The following KMT2C variants were observed in gnomAD, a reference collection of about 807,000 sequenced individuals.
KMT2C encodes histone-lysine N-methyltransferase 2C.
Under a neutral mutation model 507.9 loss-of-function variants are expected in KMT2C, and 88 were observed. The observed-to-expected ratio is 0.17, with a 90% CI of 0.15 to 0.21. KMT2C has a LOEUF of 0.21. KMT2C is among the 10% of genes least tolerant of loss of function. The pLI, the probability that KMT2C is intolerant of heterozygous loss-of-function variation, is 1.00. For synonymous variants in KMT2C, 2,049 were observed against 2,080.8 expected, an observed-to-expected ratio of 0.98 and a Z score of 0.42; for missense variants, 4,954 against 5,957.8, an observed-to-expected ratio of 0.83 and a Z score of 5.55.
intron 23 of KMT2C, among the ~76,000 whole-genome samples, chr7:152,219,778 G>A (rs1349057777): frequency 6.6e-6 from 1 of 152,140 alleles, no homozygotes; most frequent in Non-Finnish European, 1.5e-5. Flanking sequence ...GAGCAGAGCA[G>A]ATGGTTTGAG....
At chr7:152,373,674 A>G (rs1454482510) in intron 1 of KMT2C, among the ~76,000 whole-genome samples, 2 of 152,334 alleles carry the variant, frequency 1.3e-5, no homozygotes, top group East Asian at 3.9e-4. Flanking sequence ...AAATGTTAAA[A>G]GAGTTCTTTA....
chr7:152,160,457 A>G (rs2092379578), intron 43 of KMT2C, among the ~76,000 whole-genome samples: 1 of 152,102 alleles, frequency 6.6e-6, no homozygotes. Context: ...TCTCCCCTTC[A>G]GATGCTCAGG....
chr7:152,208,841 T>A (rs1261754253), intron 23 of KMT2C, among the ~76,000 whole-genome samples: 1 of 152,214 alleles, frequency 6.6e-6, no homozygotes, highest in Admixed American at 6.5e-5. Flanking sequence ...AATCTGATAA[T>A]GGCTATCGGC....
intron 16 of KMT2C, among the ~76,000 whole-genome samples, chr7:152,234,253 G>A (rs1227482545): frequency 6.6e-5 from 10 of 152,060 alleles, no homozygotes; most frequent in Admixed American, 5.9e-4. Context: ...GTGGTGGCAG[G>A]CACCTGTAAT....
chr7:152,176,168 T>A (rs202108660), intron 38 of KMT2C, 23 bp downstream of exon 38: 3 of 1,564,900 alleles, frequency 1.9e-6, no homozygotes, highest in Non-Finnish European at 2.6e-6. Flanking sequence ...GTAATATACG[T>A]TGAGACTCAA....
chr7:152,418,146 G>T (rs148919219), intron 1 of KMT2C, among the ~76,000 whole-genome samples: 1,933 of 150,012 alleles, frequency 0.013, 33 homozygotes, highest in African/African-American at 0.044. Context: ...CACCATGTTG[G>T]CCAGGCTGGT....
At chr7:152,427,195 T>C (rs1344310413) in intron 1 of KMT2C, among the ~76,000 whole-genome samples, 2 of 152,128 alleles carry the variant, frequency 1.3e-5, no homozygotes, top group African/African-American at 4.8e-5. Flanking sequence ...TTTGTAGTTT[T>C]AGTAGAGACG....
rs1054239132 is a variant in KMT2C, at chr7:152,351,827, G to A, written c.250+6760C>T. Among the ~76,000 whole-genome samples the A allele has an allele frequency of 9.2e-5, 14 of 152,022 alleles. No homozygotes were observed. The South Asian group carries it at 1.2e-3, about 14-fold the overall frequency. On this transcript the variant is annotated intron_variant, in intron 2 of 58. Coordinates refer to ENST00000262189, the MANE Select transcript of KMT2C (RefSeq NM_170606.3). ...GTCTTTACTTTAATCTCTTAATCCC[G>A]TCATTTTCATAAGCTGAGGAGGATG...
chr7:152,326,222 A>T (rs1250986238), intron 3 of KMT2C, among the ~76,000 whole-genome samples: 1 of 152,146 alleles, frequency 6.6e-6, no homozygotes, highest in Non-Finnish European at 1.5e-5. Context: ...CAGCTTGTAA[A>T]ATTTACTGTA....
At chr7:152,395,718 G>A in intron 1 of KMT2C, among the ~76,000 whole-genome samples, 1 of 152,098 alleles carries the variant, frequency 6.6e-6, no homozygotes. Context: ...ATGTTGGCCA[G>A]GCTGGTCTCA....
At chr7:152,279,862 C>T (rs1192280521) in intron 6 of KMT2C, among the ~76,000 whole-genome samples, 4 of 152,294 alleles carry the variant, frequency 2.6e-5, no homozygotes, top group Non-Finnish European at 5.9e-5. Context: ...CCCCTCAATA[C>T]AGAATGTGTG....
chr7:152,203,051 C>T lies in KMT2C; in HGVS notation c.3975G>A (p.Gln1325=). 6.2e-7 allele frequency: 1 copy of T among 1,609,008 alleles called. No individual in the cohort carries two copies. The highest frequency in any genetic ancestry group is 8.5e-7 in the Non-Finnish European group (1 of 1,177,736). The change falls in exon 26 of 59, where the codon CAG becomes CAA. Residue 1325 remains glutamine, a synonymous_variant. Coordinates refer to ENST00000262189, the MANE Select transcript of KMT2C (RefSeq NM_170606.3). Reference sequence around the variant, plus strand: ...ATTCATCAACTAAAGTATCTGGTAACTGCTCACTCCAGCCTGAAACAACAG... The same window carrying T: ...ATTCATCAACTAAAGTATCTGGTAATTGCTCACTCCAGCCTGAAACAACAG... ...LPCRDDGWSE[Q]LPDTLVDESV...
intron 13 of KMT2C, among the ~76,000 whole-genome samples, chr7:152,248,844 G>T (rs2095517962): frequency 6.6e-6 from 1 of 152,108 alleles, no homozygotes. Flanking sequence ...ACAACTTAAG[G>T]ATTTCCAAAT....
chr7:152,318,041 G>C (rs1432958499), intron 3 of KMT2C, among the ~76,000 whole-genome samples: 1 of 152,022 alleles, frequency 6.6e-6, no homozygotes, highest in African/African-American at 2.4e-5. Flanking sequence ...GGGAGGCTGA[G>C]GCAGGAGAAT....
At chr7:152,338,933 A>C (rs964831096) in intron 2 of KMT2C, among the ~76,000 whole-genome samples, 10 of 152,240 alleles carry the variant, frequency 6.6e-5, no homozygotes, top group African/African-American at 9.6e-5. Context: ...AAAATTATGA[A>C]GTGGACAGAA....
At chr7:152,338,910 A>G (rs1176915620) in intron 2 of KMT2C, among the ~76,000 whole-genome samples, 1 of 152,236 alleles carries the variant, frequency 6.6e-6, no homozygotes, top group African/African-American at 2.4e-5. Flanking sequence ...CTCTTTTTTA[A>G]GCACTGCTGA....
chr7:152,296,462 A>C, intron 6 of KMT2C, among the ~76,000 whole-genome samples: 1 of 151,306 alleles, frequency 6.6e-6, no homozygotes, highest in Admixed American at 6.6e-5. Flanking sequence ...AGAGAGAGAG[A>C]GAGAAATATG....
chr7:152,220,640 G>T lies in KMT2C; in HGVS notation c.3595C>A (p.Arg1199=). 1 of 1,611,688 alleles carries T rather than the reference G, an allele frequency of 6.2e-7. No individual in the cohort carries two copies. Among genetic ancestry groups the T allele is most frequent in the Non-Finnish European group, 8.5e-7 (1 of 1,179,670 alleles). ...TTCAATTTCAATTTTGGTTTTGACC[G>T]TTTTCTTCTTGGAACTGTAACTGTG... ...SLTVTVPRRK[R]SKPKLKLKII... is the part of the protein sequence containing the mutation. The change falls in exon 23 of 59, where the codon CGG becomes AGG. Residue 1199 remains arginine, a synonymous_variant. Coordinates refer to ENST00000262189, the MANE Select transcript of KMT2C (RefSeq NM_170606.3).
Position 152,148,998 on chromosome 7 carries a change from G to A in KMT2C, c.12929C>T (p.Pro4310Leu). Residue 4310 changes from proline (P) to leucine (L), a missense_variant, in exon 52 of 59, where the codon CCT becomes CTT. Physicochemically the swap from Pro to Leu is moderately conservative, Grantham distance 98. Transcript: ENST00000262189. The surrounding 1 kb of genome is among the most constrained non-coding windows in gnomAD (Gnocchi z 7.1). The stretch of plus-strand genomic sequence containing the variant: ...GACTTGGGCTGCTTCAAAAGCAGGA[G>A]GGAAGGCGATGGGTGGTGAGGCAGG... ...SPPASPPIAF[P>L]PAFEAAQVEA... The A allele has an allele frequency of 6.4e-7, 1 of 1,568,194 alleles. No individual in the cohort carries two copies. The highest frequency in any genetic ancestry group is 1.2e-5 in the South Asian group (1 of 81,182).
Sources: allele counts gnomAD v4.1 joint callset (sites outside exome capture counted in the v4.1 genomes callset), GRCh38; gene constraint gnomAD v4.1.1; non-coding constraint Gnocchi (gnomAD v3.1); transcripts MANE v1.5; gene names NCBI Gene and HGNC (gene_info 2026-07-23, HGNC 2026-07-21).